SGCZ: variants seen among roughly 807,000 people sequenced by gnomAD.
SGCZ encodes zeta-sarcoglycan.
In SGCZ, 40 loss-of-function variants were observed where a neutral mutation model predicts 41.3. The ratio of observed to expected loss-of-function variants is 0.97; its 90% CI spans 0.75 to 1.26. The LOEUF (loss-of-function observed/expected upper bound fraction) is 1.26, where lower values mean the gene tolerates loss of function less well. SGCZ is among the 50% of genes most tolerant of loss of function. The probability of loss-of-function intolerance (pLI) is 0.00; values close to 1 mark genes in which losing one functional copy is unlikely to be tolerated. For missense variants in SGCZ, 552 were observed against 369.8 expected (o/e 1.49, Z -4.04); for synonymous variants, 206 against 137.5 (o/e 1.50, Z -3.49).
At chr8:15,177,720 C>T (rs767064364) in intron 1 of SGCZ, among the ~76,000 whole-genome samples, 2 of 152,106 alleles carry the variant, frequency 1.3e-5, no homozygotes, top group African/African-American at 2.4e-5. Flanking sequence ...GAATGTATCA[C>T]TTTGTTTTAT....
intron 4 of SGCZ, among the ~76,000 whole-genome samples, chr8:14,211,742 G>GC (rs534675104): frequency 1.9e-3 from 295 of 152,184 alleles, no homozygotes; most frequent in Non-Finnish European, 3.4e-3. Flanking sequence ...CACAAGAACA[G>GC]CCGGGGGAAA....
chr8:14,371,255 G>C (rs1034481243), intron 2 of SGCZ, among the ~76,000 whole-genome samples: 2 of 151,910 alleles, frequency 1.3e-5, no homozygotes, highest in Admixed American at 1.3e-4. Context: ...GGGACAATTA[G>C]TGACTCAGTC....
At chr8:14,876,933 T>C (rs1404077407) in intron 1 of SGCZ, among the ~76,000 whole-genome samples, 1 of 152,112 alleles carries the variant, frequency 6.6e-6, no homozygotes, top group African/African-American at 2.4e-5. Flanking sequence ...CACTGATGAC[T>C]CTTAGAGATT....
chr8:14,428,165 T>A (rs1395953314), intron 2 of SGCZ, among the ~76,000 whole-genome samples: 1 of 143,526 alleles, frequency 7.0e-6, no homozygotes, highest in Non-Finnish European at 1.6e-5. Context: ...CACACACACA[T>A]ACACACATGC....
At chr8:14,532,505 G>A (rs946791635) in intron 2 of SGCZ, among the ~76,000 whole-genome samples, 3 of 151,914 alleles carry the variant, frequency 2.0e-5, no homozygotes, top group Non-Finnish European at 1.5e-5. Context: ...TTCAGAAGAA[G>A]AATAAGCGAA....
chr8:14,406,871 C>T (rs1322114781), intron 2 of SGCZ, among the ~76,000 whole-genome samples: 2 of 152,002 alleles, frequency 1.3e-5, no homozygotes, highest in Admixed American at 6.6e-5. Flanking sequence ...TATAGGGTAG[C>T]CTCCTTTCGC....
intron 2 of SGCZ, among the ~76,000 whole-genome samples, chr8:14,382,482 C>G (rs1417611517): frequency 6.6e-6 from 1 of 151,870 alleles, no homozygotes; most frequent in Non-Finnish European, 1.5e-5. Context: ...CAGGTGCAAG[C>G]TAAATGTGGG....
intron 1 of SGCZ, among the ~76,000 whole-genome samples, chr8:14,579,806 T>C (rs971192789): frequency 6.6e-6 from 1 of 152,210 alleles, no homozygotes; most frequent in African/African-American, 2.4e-5. Flanking sequence ...CATAATTTTC[T>C]CTTGATTCCC....
intron 1 of SGCZ, among the ~76,000 whole-genome samples, chr8:14,589,347 A>C (rs1444077779): frequency 4.5e-4 from 1 of 2,242 alleles, no homozygotes. Flanking sequence ...CTCCATCTCA[A>C]AAAAAAAAAA....
At chr8:14,283,814 C>G (rs919565750) in intron 3 of SGCZ, among the ~76,000 whole-genome samples, 1 of 152,148 alleles carries the variant, frequency 6.6e-6, no homozygotes, top group African/African-American at 2.4e-5. Context: ...GTGCCATCAA[C>G]CAATGTCCAC....
chr8:14,688,631 C>T (rs1031481221), intron 1 of SGCZ, among the ~76,000 whole-genome samples: 32 of 152,006 alleles, frequency 2.1e-4, no homozygotes, highest in Admixed American at 6.6e-4. Context: ...GGTAGCGTGA[C>T]GCCTCCAGCA....
intron 2 of SGCZ, among the ~76,000 whole-genome samples, chr8:14,457,456 G>T (rs907658311): frequency 6.6e-6 from 1 of 152,186 alleles, no homozygotes; most frequent in Non-Finnish European, 1.5e-5. Flanking sequence ...TTCCCTGGGG[G>T]AGTTTAGAGA....
chr8:14,317,921 G>C (rs1462763612), intron 3 of SGCZ, among the ~76,000 whole-genome samples: 2 of 151,672 alleles, frequency 1.3e-5, no homozygotes, highest in African/African-American at 4.8e-5. Context: ...ATGCACGATA[G>C]GCAAAAGCCT....
chr8:14,847,788 TAA>T (rs200291523), intron 1 of SGCZ, among the ~76,000 whole-genome samples: 1,212 of 105,040 alleles, frequency 0.012, 26 homozygotes, highest in African/African-American at 0.041. Context: ...TAGTTAATGG[TAA>T]AAAAAAAAAA....
chr8:14,819,421 G>A (rs927749215), intron 1 of SGCZ, among the ~76,000 whole-genome samples: 1 of 152,018 alleles, frequency 6.6e-6, no homozygotes, highest in Non-Finnish European at 1.5e-5. Flanking sequence ...TTGTCTCCTA[G>A]CCTGCAAAAT....
At chr8:14,563,549 T>C (rs1313197596) in intron 1 of SGCZ, among the ~76,000 whole-genome samples, 3 of 152,238 alleles carry the variant, frequency 2.0e-5, no homozygotes, top group Non-Finnish European at 2.9e-5. Context: ...AAATATTGTC[T>C]GAAAGGATGA....
chr8:14,127,245 C>G (rs1237507111), intron 5 of SGCZ, among the ~76,000 whole-genome samples: 2 of 152,154 alleles, frequency 1.3e-5, no homozygotes, highest in African/African-American at 4.8e-5. Flanking sequence ...CGTTCTGCCA[C>G]TGATAGCTGT....
At chr8:15,213,235 T>C (rs1402224998) in intron 1 of SGCZ, among the ~76,000 whole-genome samples, 3 of 151,990 alleles carry the variant, frequency 2.0e-5, no homozygotes, top group African/African-American at 4.8e-5. Context: ...AACTTTATAA[T>C]TGCAACAAGA....
intron 1 of SGCZ, among the ~76,000 whole-genome samples, chr8:15,179,298 C>T (rs1800093722): frequency 6.6e-6 from 1 of 152,074 alleles, no homozygotes; most frequent in Non-Finnish European, 1.5e-5. Flanking sequence ...ATTATCTCTT[C>T]ATTAGACTTC....
Sources: gnomAD v4.1 joint callset for allele counts (sites outside exome capture counted in the v4.1 genomes callset) on GRCh38, gnomAD v4.1.1 for gene constraint, MANE v1.5 for transcripts, NCBI Gene and HGNC (gene_info 2026-07-23, HGNC 2026-07-21) for gene names.